The following PAX5 variants were observed in gnomAD, a reference collection of about 807,000 sequenced individuals.
PAX5 encodes paired box protein Pax-5.
PAX5 carries 9 observed loss-of-function variants against 43.7 expected under a neutral mutation model. The ratio of observed to expected loss-of-function variants is 0.21; its 90% CI spans 0.12 to 0.36. PAX5 has a LOEUF of 0.36. Ranked by LOEUF, PAX5 falls within the 10% of genes least tolerant of loss-of-function variation. The pLI is 1.00. For synonymous variants in PAX5, 228 were observed against 214.3 expected (o/e 1.06, Z -0.56); for missense variants, 383 against 532.7 (o/e 0.72, Z 2.77).
rs1823826311 is a variant in PAX5, at chr9:36,857,866, C to CTCCT, written c.1013-10941_1013-10938dup. Among the ~76,000 whole-genome samples the CTCCT allele has an allele frequency of 2.6e-5, 4 of 152,262 alleles. No homozygotes were observed. The South Asian group carries it at 8.3e-4, about 31-fold the overall frequency. ...AGGATACTGGCCGATAAACCCAAGG[C>CTCCT]TCCTGACAGCTCTGAACCACGTCAT... On this transcript the variant is annotated intron_variant, in intron 8 of 9. Transcript: ENST00000358127.
chr9:36,906,118 T>C (rs1828801125), intron 7 of PAX5, among the ~76,000 whole-genome samples: 1 of 152,140 alleles, frequency 6.6e-6, no homozygotes, highest in East Asian at 1.9e-4. Flanking sequence ...GCTTTTATAT[T>C]TGGCCCTGGA....
chr9:36,891,520 G>C (rs1009418388), intron 7 of PAX5, among the ~76,000 whole-genome samples: 2 of 152,248 alleles, frequency 1.3e-5, no homozygotes, highest in African/African-American at 4.8e-5. Flanking sequence ...CCTGCCACTA[G>C]TGGAGGGTAT....
At chr9:36,995,732 T>C (rs1247400252) in intron 5 of PAX5, among the ~76,000 whole-genome samples, 1 of 152,034 alleles carries the variant, frequency 6.6e-6, no homozygotes, top group Non-Finnish European at 1.5e-5. Context: ...GAGCGGGGCG[T>C]CTCAGGTGCT....
chr9:36,941,778 G>A (rs564737356), intron 6 of PAX5, among the ~76,000 whole-genome samples: 5 of 151,714 alleles, frequency 3.3e-5, no homozygotes, highest in Admixed American at 6.6e-5. Context: ...AATATGAAGC[G>A]GTGGAGGTGG....
chr9:37,015,272 T>C lies in PAX5; in HGVS notation c.213-78A>G. The C allele has an allele frequency of 7.5e-7, 1 of 1,332,262 alleles. No homozygotes were observed. The highest frequency in any genetic ancestry group is 1.1e-6 in the Non-Finnish European group (1 of 932,448). 82.5% of individuals were successfully genotyped at this position (1,332,262 alleles called of 1,614,324 possible). A position where few individuals can be genotyped will look rare whatever the true frequency, so the allele number is the denominator to read the frequency against. ...TTGGCAACAAAATAACGGGCTACTC[T>C]GGCCAGGAAACGTCCGGATCTGCAC... On this transcript the variant is annotated intron_variant, in intron 2 of 9. Transcript: ENST00000358127. The surrounding 1 kb of genome is among the most constrained non-coding windows in gnomAD (Gnocchi z 4.4).
intron 6 of PAX5, among the ~76,000 whole-genome samples, chr9:36,960,762 C>G (rs2132158884): frequency 6.6e-6 from 1 of 152,330 alleles, no homozygotes. Context: ...TTGTACCTGA[C>G]TTCCTGTCAC....
In PAX5 at chr9:36,837,754, A is replaced by G. The variant is rs1769882560; in HGVS notation, c.*2806T>C. 1 of 233,278 alleles carries G rather than the reference A, an allele frequency of 4.3e-6. No individual in the cohort carries two copies. The highest frequency in any genetic ancestry group is 1.8e-4 in the South Asian group (1 of 5,534). The allele number at this position is 233,278 out of a possible 1,614,324, so 14.5% of individuals were successfully genotyped here. A position where few individuals can be genotyped will look rare whatever the true frequency, so the allele number is the denominator to read the frequency against. On this transcript the variant is annotated 3_prime_UTR_variant, in exon 10 of 10. Coordinates refer to ENST00000358127, the MANE Select transcript of PAX5 (RefSeq NM_016734.3). Reference sequence around the variant, plus strand: ...TACAAAACCAATCTGAGGACCAGCAAAGCCTCAGGTGAGGGAGGAAAGGTA... The same window carrying G: ...TACAAAACCAATCTGAGGACCAGCAGAGCCTCAGGTGAGGGAGGAAAGGTA...
chr9:36,876,211 C>T (rs1480896266), intron 8 of PAX5, among the ~76,000 whole-genome samples: 1 of 152,232 alleles, frequency 6.6e-6, no homozygotes, highest in Non-Finnish European at 1.5e-5. Flanking sequence ...GCCCACCTCT[C>T]CTCTGGCCTC....
rs528624003 is a variant in PAX5, at chr9:36,894,995, C to A, written c.911-12890G>T. Reference sequence around the variant, plus strand: ...AAGGGAGGAGGAAGGGGAACCCCAACAGTCCTTCTCTGATGGAGTGGTGGC... The same window carrying A: ...AAGGGAGGAGGAAGGGGAACCCCAAAAGTCCTTCTCTGATGGAGTGGTGGC... On this transcript the variant is annotated intron_variant, in intron 7 of 9. Transcript: ENST00000358127. 5.9e-5 allele frequency among the ~76,000 whole-genome samples: 9 copies of A among 152,366 alleles called. No individual in the cohort carries two copies. In the East Asian group the frequency reaches 1.7e-3, roughly 29 times the overall value.
chr9:36,901,176 C>T lies in PAX5; in HGVS notation c.911-19071G>A, dbSNP rs887892880. On this transcript the variant is annotated intron_variant, in intron 7 of 9. Coordinates refer to ENST00000358127, the MANE Select transcript of PAX5 (RefSeq NM_016734.3). ...GGAGAGTCGACTCTCCTCAGGGCTC[C>T]CAGCACCTGCAAGGTCTGCCCCCAG... is the stretch of plus-strand genomic sequence containing the variant. 2.0e-5 allele frequency among the ~76,000 whole-genome samples: 3 copies of T among 152,144 alleles called. No homozygotes were observed. The East Asian group carries it at 5.8e-4, about 29-fold the overall frequency.
intron 6 of PAX5, among the ~76,000 whole-genome samples, chr9:36,924,609 A>G (rs1338543469): frequency 2.0e-5 from 3 of 151,036 alleles, no homozygotes; most frequent in East Asian, 3.9e-4. Context: ...AGTCCCAGCT[A>G]CTCGGGAAGC....
At chr9:37,014,777 A>G (rs572364983) in intron 3 of PAX5, among the ~76,000 whole-genome samples, 1 of 152,262 alleles carries the variant, frequency 6.6e-6, no homozygotes, top group East Asian at 1.9e-4. Flanking sequence ...GGGTGTTGGC[A>G]TGCTCCCCTC....
chr9:36,898,660 C>T (rs990531064), intron 7 of PAX5, among the ~76,000 whole-genome samples: 14 of 152,206 alleles, frequency 9.2e-5, no homozygotes, highest in South Asian at 8.3e-4. Flanking sequence ...ACATTATGCG[C>T]GAGATGGGAT....
chr9:36,991,504 A>G (rs1836935040), intron 5 of PAX5, among the ~76,000 whole-genome samples: 1 of 152,212 alleles, frequency 6.6e-6, no homozygotes, highest in Non-Finnish European at 1.5e-5. Context: ...GTTTATATCA[A>G]GGCATTTGGA....
At chr9:36,962,226 G>GA (rs5897668) in intron 6 of PAX5, among the ~76,000 whole-genome samples, 112,850 of 152,068 alleles carry the variant, frequency 0.74, 42,282 homozygotes, top group South Asian at 0.87. Context: ...GAGAGTTCTG[G>GA]ATGACAGGCA....
chr9:36,880,762 G>C (rs1229781689), intron 8 of PAX5, among the ~76,000 whole-genome samples: 1 of 152,200 alleles, frequency 6.6e-6, no homozygotes, highest in African/African-American at 2.4e-5. Context: ...TTGTTTAGTA[G>C]AGACAGGGCT....
At chr9:37,008,746 ATTGT>A (rs1391934040) in intron 3 of PAX5, among the ~76,000 whole-genome samples, 84 of 152,276 alleles carry the variant, frequency 5.5e-4, no homozygotes, top group African/African-American at 1.9e-3. Flanking sequence ...ATACATTCAG[ATTGT>A]TTGTTTGTTT....
intron 6 of PAX5, among the ~76,000 whole-genome samples, chr9:36,949,349 C>A (rs746214288): frequency 6.6e-6 from 1 of 152,176 alleles, no homozygotes; most frequent in South Asian, 2.1e-4. Flanking sequence ...CGTGAGCCAC[C>A]GTGCCCGGCC....
chr9:36,905,228 C>T (rs965444431), intron 7 of PAX5, among the ~76,000 whole-genome samples: 17 of 152,216 alleles, frequency 1.1e-4, no homozygotes, highest in African/African-American at 4.1e-4. Flanking sequence ...GGAGGCCGGA[C>T]CCCTGGCACA....
Sources: gnomAD v4.1 joint callset for allele counts (sites outside exome capture counted in the v4.1 genomes callset) on GRCh38, gnomAD v4.1.1 for gene constraint, Gnocchi (gnomAD v3.1) non-coding constraint, MANE v1.5 for transcripts, NCBI Gene and HGNC (gene_info 2026-07-23, HGNC 2026-07-21) for gene names.